The following ZNF101 variants were observed in gnomAD, a reference collection of about 807,000 sequenced individuals.
The protein encoded by ZNF101 is zinc finger protein 101, also known as zinc finger protein 101 (Y2).
A neutral mutation model predicts 42.6 loss-of-function variants in ZNF101; 34 were observed. The observed-to-expected ratio is 0.80, with a 90% CI of 0.61 to 1.06. ZNF101 has a LOEUF of 1.06. ZNF101 is among the 50% of genes least tolerant of loss of function. The probability of loss-of-function intolerance (pLI) is 0.00; values close to 1 mark genes in which losing one functional copy is unlikely to be tolerated. For synonymous variants in ZNF101, 158 were observed against 183.9 expected, an observed-to-expected ratio of 0.86 and a Z score of 1.14; for missense variants, 466 against 530.9, an observed-to-expected ratio of 0.88 and a Z score of 1.20.
chr19:19,668,860 C>T lies in ZNF101; in HGVS notation c.-104C>T. 5.6e-6 allele frequency: 8 copies of T among 1,428,218 alleles called. No homozygotes were observed. The highest frequency in any genetic ancestry group is 7.5e-6 in the Non-Finnish European group (8 of 1,066,038). 88.5% of individuals were successfully genotyped at this position (1,428,218 alleles called of 1,614,324 possible). The stretch of plus-strand genomic sequence containing the variant: ...CCCCATTCGGGTCCGGGTTTTAGTT[C>T]CTCGGGGAGCCCCTGGTGCCCCGGA... On this transcript the variant is annotated 5_prime_UTR_variant, in exon 1 of 4. Coordinates refer to ENST00000592502, the MANE Select transcript of ZNF101 (RefSeq NM_033204.4).
intron 1 of ZNF101, among the ~76,000 whole-genome samples, chr19:19,671,569 G>C (rs2062170424): frequency 2.0e-5 from 3 of 150,218 alleles, no homozygotes; most frequent in Admixed American, 1.3e-4. Flanking sequence ...GCGCGATCTC[G>C]GCTCACTGCA....
intron 1 of ZNF101, among the ~76,000 whole-genome samples, chr19:19,672,548 C>CGGGG (rs553071168): frequency 2.7e-5 from 4 of 149,950 alleles, no homozygotes; most frequent in African/African-American, 9.8e-5. Flanking sequence ...TTTTTTTTGG[C>CGGGG]GGGGGGGGTC....
At chr19:19,679,119 G>A in intron 3 of ZNF101, 62 bp from the exon 4 acceptor site, 2 of 1,565,550 alleles carry the variant, frequency 1.3e-6, no homozygotes, top group Non-Finnish European at 1.7e-6. Context: ...CTTAAGACAT[G>A]TCAATTAGTA....
At chr19:19,678,037 T>G (rs778210957) in intron 2 of ZNF101, 47 bp downstream of exon 2, 26 of 1,589,892 alleles carry the variant, frequency 1.6e-5, no homozygotes, top group Non-Finnish European at 2.0e-5. Context: ...ACAAGTGTGT[T>G]TTGGTCACCA....
chr19:19,674,084 G>A (rs1393002597), intron 1 of ZNF101, among the ~76,000 whole-genome samples: 2 of 151,514 alleles, frequency 1.3e-5, no homozygotes, highest in South Asian at 2.1e-4. Flanking sequence ...GAGTCACCGC[G>A]CCTGGCCTAT....
chr19:19,668,558 G>A (rs570346876), upstream of ZNF101, among the ~76,000 whole-genome samples: 1 of 152,258 alleles, frequency 6.6e-6, no homozygotes, highest in South Asian at 2.1e-4. Flanking sequence ...GAGGGGAACA[G>A]TCTGGTTGGG....
chr19:19,682,222 CTTTT>C lies in ZNF101; in HGVS notation c.*1931_*1934del, dbSNP rs575446126. On this transcript the variant is annotated 3_prime_UTR_variant, in exon 4 of 4. Coordinates refer to ENST00000592502, the MANE Select transcript of ZNF101 (RefSeq NM_033204.4). The stretch of plus-strand genomic sequence containing the variant: ...ACAGGTGTGAGCCACCGCGCCTGGC[CTTTT>C]TTTTTTTTCCCGAGACACAGTCTCA... 3,006 of 138,606 alleles carry C rather than the reference CTTTT, an allele frequency of 0.022. 50 individuals are homozygous for C. Among genetic ancestry groups the C allele is most frequent in the South Asian group, 0.05 (220 of 4,398 alleles). 8.6% of individuals were successfully genotyped at this position (138,606 alleles called of 1,614,324 possible). A position where few individuals can be genotyped will look rare whatever the true frequency, so the allele number is the denominator to read the frequency against.
At chr19:19,668,575 C>G (rs886070499), upstream of ZNF101, among the ~76,000 whole-genome samples, 1 of 152,078 alleles carries the variant, frequency 6.6e-6, no homozygotes, top group Non-Finnish European at 1.5e-5. Flanking sequence ...TGGGTTGACC[C>G]TAACGGGAGC....
intron 1 of ZNF101, among the ~76,000 whole-genome samples, chr19:19,673,248 CTTT>C (rs34694853): frequency 3.4e-5 from 4 of 116,128 alleles, no homozygotes; most frequent in Admixed American, 9.5e-5. Context: ...AATGTGCTGG[CTTT>C]TTTTTTTTTT....
In ZNF101 at chr19:19,669,611, A is replaced by C. The variant is rs373730436; in HGVS notation, c.3+645A>C. ...CGGGTTCAAGTGATTCTCCTGCCTC[A>C]GCCTCCTGAGTAGCTGGAATTACAG... On this transcript the variant is annotated intron_variant, in intron 1 of 3. Coordinates refer to ENST00000592502, the MANE Select transcript of ZNF101 (RefSeq NM_033204.4). Among the ~76,000 whole-genome samples, 86 of 152,244 alleles carry C rather than the reference A, an allele frequency of 5.6e-4. 1 individual carries two copies. The East Asian group carries it at 0.016, about 28-fold the overall frequency.
At chr19:19,669,911 T>TA (rs551680816) in intron 1 of ZNF101, among the ~76,000 whole-genome samples, 3,000 of 147,490 alleles carry the variant, frequency 0.02, 47 homozygotes, top group South Asian at 0.049. Flanking sequence ...ACTCCGATGT[T>TA]AAAAAAAAAA....
intron 1 of ZNF101, among the ~76,000 whole-genome samples, chr19:19,670,780 G>A (rs1043228877): frequency 2.6e-5 from 4 of 151,798 alleles, no homozygotes; most frequent in South Asian, 4.2e-4. Flanking sequence ...CTTCCATTAT[G>A]GCTGCAGAAT....
intron 2 of ZNF101, 137 bp downstream of exon 2, chr19:19,678,127 T>C: frequency 7.7e-7 from 1 of 1,300,104 alleles, no homozygotes; most frequent in Non-Finnish European, 1.0e-6. Flanking sequence ...TACAGTGGCT[T>C]ACCCTTGTAA....
upstream of ZNF101, chr19:19,668,830 C>G (rs2062149709): frequency 1.7e-6 from 2 of 1,179,526 alleles, no homozygotes; most frequent in Non-Finnish European, 2.3e-6. Flanking sequence ...CATTTCCCGC[C>G]GGCCCCCCAT....
rs74181151 is a variant in ZNF101 at position 19,680,793 on chromosome 19, G to C, written c.*493G>C. On this transcript the variant is annotated 3_prime_UTR_variant, in exon 4 of 4. Transcript: ENST00000592502. ...AAATTAGCCAGGCGTGGTGGTGTGT[G>C]CCTGTAGTCCCAGCTACTCGGGAGG... 0.045 allele frequency: 6,634 copies of C among 148,840 alleles called. 243 individuals are homozygous for C. The highest frequency in any genetic ancestry group is 0.17 in the East Asian group (867 of 4,992). The allele number at this position is 148,840 out of a possible 1,614,324, so 9.2% of individuals were successfully genotyped here.
chr19:19,670,601 AC>A (rs2062162293), intron 1 of ZNF101, among the ~76,000 whole-genome samples: 1 of 152,164 alleles, frequency 6.6e-6, no homozygotes, highest in African/African-American at 2.4e-5. Flanking sequence ...TACAACAAAT[AC>A]AAAAATTAGC....
intron 1 of ZNF101, among the ~76,000 whole-genome samples, chr19:19,675,736 C>T (rs1297852264): frequency 6.6e-6 from 1 of 152,116 alleles, no homozygotes; most frequent in Non-Finnish European, 1.5e-5. Context: ...AGGCCGGGCA[C>T]AGTGGCTTAT....
rs1473462510 is a variant in ZNF101 at position 19,681,962 on chromosome 19, G to A, written c.*1662G>A. 10 of 130,006 alleles carry A rather than the reference G, an allele frequency of 7.7e-5. No individual in the cohort carries two copies. The highest frequency in any genetic ancestry group is 2.4e-4 in the South Asian group (1 of 4,242). The allele number at this position is 130,006 out of a possible 1,614,324, so 8.1% of individuals were successfully genotyped here. A position where few individuals can be genotyped will look rare whatever the true frequency, so the allele number is the denominator to read the frequency against. The stretch of plus-strand genomic sequence containing the variant: ...TTTTGAGATGGAGTTTTGCCCTGTC[G>A]CCCAGGCTGGAGTGCAGTGGCACAA... On this transcript the variant is annotated 3_prime_UTR_variant, in exon 4 of 4. Coordinates refer to ENST00000592502, the MANE Select transcript of ZNF101 (RefSeq NM_033204.4).
At chr19:19,668,186 G>T (rs2062143645), upstream of ZNF101, among the ~76,000 whole-genome samples, 1 of 151,968 alleles carries the variant, frequency 6.6e-6, no homozygotes, top group Non-Finnish European at 1.5e-5. Context: ...CCGAAAGGAC[G>T]AAGAGACCTG....
Sources: gnomAD v4.1 joint callset for allele counts (sites outside exome capture counted in the v4.1 genomes callset) on GRCh38, gnomAD v4.1.1 for gene constraint, MANE v1.5 for transcripts, NCBI Gene and HGNC (gene_info 2026-07-23, HGNC 2026-07-21) for gene names.